Variants in GSK3B observed in about 807,000 individuals in gnomAD.
GSK3B encodes the protein glycogen synthase kinase 3 beta.
In GSK3B, 15 loss-of-function variants were observed where a neutral mutation model predicts 56.4. The observed-to-expected ratio is 0.27, with a 90% CI of 0.18 to 0.41. The LOEUF (loss-of-function observed/expected upper bound fraction) is 0.41, where lower values mean the gene tolerates loss of function less well. Ranked by LOEUF, GSK3B falls within the 10% of genes least tolerant of loss-of-function variation. GSK3B has a pLI of 1.00. For synonymous variants in GSK3B, 181 were observed against 188.9 expected (o/e 0.96, Z 0.34); for missense variants, 300 against 513.4 (o/e 0.58, Z 4.02).
At chr3:119,940,108 G>T (rs984735246) in intron 3 of GSK3B, among the ~76,000 whole-genome samples, 1 of 131,186 alleles carries the variant, frequency 7.6e-6, no homozygotes, top group Non-Finnish European at 1.6e-5. Context: ...GTGTGTGTGT[G>T]TTTGTGTGTG....
At position 120,050,459 on chromosome 3, in the gene GSK3B, G is replaced by A. The variant is rs148192236; in HGVS notation, c.88+42888C>T. Among the ~76,000 whole-genome samples the A allele has an allele frequency of 1.1e-4, 17 of 152,320 alleles. No homozygotes were observed. The East Asian group carries it at 2.7e-3, about 24-fold the overall frequency. On this transcript the variant is annotated intron_variant, in intron 1 of 10. Transcript: ENST00000264235. The stretch of plus-strand genomic sequence containing the variant: ...ACCTCTGGTCTAGGCAGAGTGATAA[G>A]GTCCTAAACTAAAGTGAAGGCTCTA...
At chr3:119,884,932 A>G (rs988426145) in intron 7 of GSK3B, among the ~76,000 whole-genome samples, 1 of 152,160 alleles carries the variant, frequency 6.6e-6, no homozygotes, top group Non-Finnish European at 1.5e-5. Flanking sequence ...AAGTGGAACA[A>G]GACAAGGATG....
intron 1 of GSK3B, among the ~76,000 whole-genome samples, chr3:120,053,293 C>T (rs1016756618): frequency 9.2e-5 from 14 of 152,122 alleles, no homozygotes; most frequent in South Asian, 2.1e-4. Flanking sequence ...GCCCAGATCG[C>T]GCCACTACAC....
intron 4 of GSK3B, among the ~76,000 whole-genome samples, chr3:119,917,380 CT>C (rs1455951834): frequency 1.3e-5 from 2 of 152,026 alleles, no homozygotes; most frequent in African/African-American, 4.8e-5. Context: ...CAGATAAGAT[CT>C]TTTATAAGGT....
chr3:120,087,088 T>C (rs1358338057), intron 1 of GSK3B, among the ~76,000 whole-genome samples: 1 of 152,198 alleles, frequency 6.6e-6, no homozygotes, highest in African/African-American at 2.4e-5. Flanking sequence ...TGAGCAAAGT[T>C]TACACTCCAT....
chr3:119,970,552 A>G (rs540288557), intron 2 of GSK3B, among the ~76,000 whole-genome samples: 2 of 151,320 alleles, frequency 1.3e-5, no homozygotes, highest in East Asian at 3.9e-4. Context: ...CCGGTGGATC[A>G]CAAGGTCAGG....
intron 2 of GSK3B, among the ~76,000 whole-genome samples, chr3:119,951,423 T>G (rs1420634313): frequency 6.6e-6 from 1 of 151,920 alleles, no homozygotes; most frequent in Non-Finnish European, 1.5e-5. Flanking sequence ...AATATAAAAT[T>G]AGCCGGGCTT....
At chr3:119,993,227 T>C (rs1045703299) in intron 2 of GSK3B, among the ~76,000 whole-genome samples, 10 of 150,922 alleles carry the variant, frequency 6.6e-5, no homozygotes, top group Non-Finnish European at 1.2e-4. Context: ...CATAATGAGG[T>C]TGGCCATCTA....
chr3:120,036,715 C>T (rs1218211546), intron 1 of GSK3B, among the ~76,000 whole-genome samples: 1 of 149,912 alleles, frequency 6.7e-6, no homozygotes, highest in African/African-American at 2.5e-5. Flanking sequence ...ATTGCTTGAA[C>T]CCGGGAGGCA....
At chr3:119,991,723 A>G (rs2057567267) in intron 2 of GSK3B, among the ~76,000 whole-genome samples, 1 of 152,128 alleles carries the variant, frequency 6.6e-6, no homozygotes. Flanking sequence ...GATAATCAAG[A>G]GAAACAAATA....
chr3:120,069,689 A>C (rs1435370039), intron 1 of GSK3B, among the ~76,000 whole-genome samples: 1 of 152,096 alleles, frequency 6.6e-6, no homozygotes, highest in Non-Finnish European at 1.5e-5. Context: ...ATGCAGTCTA[A>C]AAATATTAAC....
At chr3:119,990,204 A>G (rs1192761983) in intron 2 of GSK3B, among the ~76,000 whole-genome samples, 1 of 152,088 alleles carries the variant, frequency 6.6e-6, no homozygotes, top group Non-Finnish European at 1.5e-5. Context: ...TAGCCCCGAG[A>G]TAACACCCCT....
At chr3:120,063,091 T>C (rs917056532) in intron 1 of GSK3B, among the ~76,000 whole-genome samples, 1 of 152,188 alleles carries the variant, frequency 6.6e-6, no homozygotes, top group Non-Finnish European at 1.5e-5. Context: ...AAAATTAAGT[T>C]GCAGAATATT....
In GSK3B at chr3:119,822,577, A is replaced by T; in HGVS notation, c.*4211T>A. On this transcript the variant is annotated 3_prime_UTR_variant, in exon 11 of 11. Coordinates refer to ENST00000264235, the MANE Select transcript of GSK3B (RefSeq NM_001146156.2). ...AAAACGGCATAACCCTTGTGAAAAT[A>T]ATCCAAACCCCAGGGATTACTTTCA... 1 of 229,724 alleles carries T rather than the reference A, an allele frequency of 4.4e-6. No individual in the cohort carries two copies. The highest frequency in any genetic ancestry group is 8.6e-6 in the Non-Finnish European group (1 of 115,792). The allele number at this position is 229,724 out of a possible 1,614,324, so 14.2% of individuals were successfully genotyped here.
At chr3:120,060,631 T>G (rs1042643653) in intron 1 of GSK3B, among the ~76,000 whole-genome samples, 1 of 151,762 alleles carries the variant, frequency 6.6e-6, no homozygotes, top group Admixed American at 6.6e-5. Flanking sequence ...AAGGCTGAGG[T>G]GGAAGGATTG....
intron 10 of GSK3B, among the ~76,000 whole-genome samples, chr3:119,832,568 A>C (rs2055620250): frequency 6.6e-6 from 1 of 152,252 alleles, no homozygotes; most frequent in Admixed American, 6.5e-5. Flanking sequence ...GGAATCGCTG[A>C]CAAAATCTCC....
chr3:119,979,795 A>C (rs2057442869), intron 2 of GSK3B, among the ~76,000 whole-genome samples: 1 of 152,212 alleles, frequency 6.6e-6, no homozygotes, highest in African/African-American at 2.4e-5. Flanking sequence ...AAAAGGCACC[A>C]CAAATCCCAT....
intron 7 of GSK3B, among the ~76,000 whole-genome samples, chr3:119,901,311 T>C (rs937764487): frequency 6.6e-6 from 1 of 152,160 alleles, no homozygotes; most frequent in African/African-American, 2.4e-5. Flanking sequence ...CCAAGCATTT[T>C]TGATATGTAG....
intron 2 of GSK3B, among the ~76,000 whole-genome samples, chr3:119,992,009 CTAAGA>C (rs1237500820): frequency 1.3e-5 from 2 of 151,842 alleles, no homozygotes; most frequent in Non-Finnish European, 2.9e-5. Context: ...TTATTCCTGG[CTAAGA>C]TAATTCAAGC....
Sources: allele counts gnomAD v4.1 joint callset (sites outside exome capture counted in the v4.1 genomes callset), GRCh38; gene constraint gnomAD v4.1.1; transcripts MANE v1.5; gene names NCBI Gene and HGNC (gene_info 2026-07-23, HGNC 2026-07-21).